Variants in KCNQ1 observed in about 807,000 individuals in gnomAD.
KCNQ1 encodes the protein potassium voltage-gated channel subfamily Q member 1.
In KCNQ1, 49 loss-of-function variants were observed where a neutral mutation model predicts 72.4. The ratio of observed to expected loss-of-function variants is 0.68; its 90% CI spans 0.54 to 0.86. The LOEUF is 0.86. KCNQ1 is among the 40% of genes least tolerant of loss of function. The probability of loss-of-function intolerance (pLI) is 0.00; values close to 1 mark genes in which losing one functional copy is unlikely to be tolerated. For missense variants in KCNQ1, 790 were observed against 945.1 expected (o/e 0.84, Z 2.15); for synonymous variants, 450 against 412.6 (o/e 1.09, Z -1.10).
At chr11:2,754,892 C>A (rs1032595492) in intron 11 of KCNQ1, among the ~76,000 whole-genome samples, 25 of 152,178 alleles carry the variant, frequency 1.6e-4, no homozygotes, top group African/African-American at 5.8e-4. Flanking sequence ...TCCAAAGATA[C>A]CTTAAAGAAC....
chr11:2,664,761 C>T lies in KCNQ1; in HGVS notation c.1514+2680C>T. On this transcript the variant is annotated intron_variant, in intron 11 of 15. Coordinates refer to ENST00000155840, the MANE Select transcript of KCNQ1 (RefSeq NM_000218.3). The surrounding 1 kb of genome is among the most constrained non-coding windows in gnomAD (Gnocchi z 5.1). ...GACAGGGATGTGTGCTGGGGTCTCA[C>T]AGGGGGCAGAGTGGGTGGGAGGCAG... 2.5e-6 allele frequency: 1 copy of T among 398,764 alleles called. No individual in the cohort carries two copies. Among genetic ancestry groups the T allele is most frequent in the Middle Eastern group, 6.3e-4 (1 of 1,592 alleles). The allele number at this position is 398,764 out of a possible 1,614,324, so 24.7% of individuals were successfully genotyped here.
intron 15 of KCNQ1, among the ~76,000 whole-genome samples, chr11:2,792,775 C>T (rs2134011019): frequency 6.6e-6 from 1 of 152,270 alleles, no homozygotes; most frequent in South Asian, 2.1e-4. Flanking sequence ...GGCTTGGGGC[C>T]CCGGAGGGCT....
Position 2,528,122 on chromosome 11 carries a change from C to T in KCNQ1, c.477+104C>T. The T allele has an allele frequency of 4.1e-6, 4 of 984,610 alleles. No homozygotes were observed. The South Asian group carries it at 5.1e-5, about 13-fold the overall frequency. 61.0% of individuals were successfully genotyped at this position (984,610 alleles called of 1,614,324 possible). A position where few individuals can be genotyped will look rare whatever the true frequency, so the allele number is the denominator to read the frequency against. ...GGTGGGGGGCAGAGCCACTCCCAGC[C>T]CCTTGCCCACACATTGGTCCTGCCC... On this transcript the variant is annotated intron_variant, in intron 2 of 15. Transcript: ENST00000155840.
Position 2,848,636 on chromosome 11 carries a change from G to A in KCNQ1, c.*633G>A, listed in dbSNP as rs886048173. ...CAGTCTCACCATTTCCCCAGGGCACGTGGTTGAGTGGGGGGAACGCCCACT... is the reference window on the plus strand; with the variant it reads ...CAGTCTCACCATTTCCCCAGGGCACATGGTTGAGTGGGGGGAACGCCCACT... On this transcript the variant is annotated 3_prime_UTR_variant, in exon 16 of 16. Coordinates refer to ENST00000155840, the MANE Select transcript of KCNQ1 (RefSeq NM_000218.3). The A allele has an allele frequency of 1.5e-5, 7 of 451,986 alleles. No homozygotes were observed. Among genetic ancestry groups the A allele is most frequent in the Non-Finnish European group, 3.1e-5 (7 of 225,100 alleles). The allele number at this position is 451,986 out of a possible 1,614,324, so 28.0% of individuals were successfully genotyped here.
intron 1 of KCNQ1, among the ~76,000 whole-genome samples, chr11:2,455,446 C>A (rs1017496341): frequency 2.6e-5 from 4 of 152,176 alleles, no homozygotes; most frequent in African/African-American, 9.7e-5. Context: ...AGAGCCAAAT[C>A]AAGAATGCAA....
At chr11:2,741,992 G>A (rs1846061271) in intron 11 of KCNQ1, among the ~76,000 whole-genome samples, 1 of 152,238 alleles carries the variant, frequency 6.6e-6, no homozygotes, top group Non-Finnish European at 1.5e-5. Flanking sequence ...GTAACCCCCA[G>A]AACTCTTGGC....
rs190686800 is a variant in KCNQ1 at position 2,453,111 on chromosome 11, C to T, written c.386+7627C>T. 5.7e-4 allele frequency among the ~76,000 whole-genome samples: 87 copies of T among 152,322 alleles called. 2 individuals are homozygous for T. In the East Asian group the frequency reaches 0.015, roughly 26 times the overall value. On this transcript the variant is annotated intron_variant, in intron 1 of 15. Transcript: ENST00000155840. ...AACCTTGGCTGGGTGCGGTGGCTCA[C>T]GCCTGTAATCCCAGCACTTTGGGAG...
rs1846464726 is a variant in KCNQ1 at position 2,764,747 on chromosome 11, T to C, written c.1515-4097T>C. On this transcript the variant is annotated intron_variant, in intron 11 of 15. Transcript: ENST00000155840. This position sits in a 1 kb window ranked among gnomAD's most constrained non-coding sequence, Gnocchi z 4.8. ...TGTCTACTTTTACATACTGTGTTTTTAAATAATTTGTATATTTTATCTAAA... is the reference window on the plus strand; with the variant it reads ...TGTCTACTTTTACATACTGTGTTTTCAAATAATTTGTATATTTTATCTAAA... 6.6e-6 allele frequency among the ~76,000 whole-genome samples: 1 copy of C among 152,244 alleles called. No individual in the cohort carries two copies. Among genetic ancestry groups the C allele is most frequent in the African/African-American group, 2.4e-5 (1 of 41,462 alleles).
intron 10 of KCNQ1, chr11:2,656,819 A>G (rs944418610): frequency 3.3e-5 from 13 of 398,512 alleles, no homozygotes; most frequent in African/African-American, 2.5e-4. Context: ...TTCTATATTC[A>G]GTCATGTGAC....
At chr11:2,512,332 G>A (rs1847223485) in intron 1 of KCNQ1, among the ~76,000 whole-genome samples, 1 of 152,160 alleles carries the variant, frequency 6.6e-6, no homozygotes. Flanking sequence ...TGGGGCCACT[G>A]GGATTGGCAG....
rs575073313 is a variant in KCNQ1 at position 2,712,855 on chromosome 11, G to A, written c.1514+50774G>A. Among the ~76,000 whole-genome samples the A allele has an allele frequency of 1.1e-3, 175 of 152,300 alleles. No homozygotes were observed. The highest frequency in any genetic ancestry group is 2.0e-3 in the Non-Finnish European group (136 of 68,020). On this transcript the variant is annotated intron_variant, in intron 11 of 15. Coordinates refer to ENST00000155840, the MANE Select transcript of KCNQ1 (RefSeq NM_000218.3). The surrounding 1 kb of genome is among the most constrained non-coding windows in gnomAD (Gnocchi z 6.4). Reference sequence around the variant, plus strand: ...CTAGAGAGTTTGGGGGCTGGACACAGGGAGGAGGCAGCATGGGAAATGGAA... The same window carrying A: ...CTAGAGAGTTTGGGGGCTGGACACAAGGAGGAGGCAGCATGGGAAATGGAA...
Position 2,613,485 on chromosome 11 carries a change from A to G in KCNQ1, c.1393+24631A>G, listed in dbSNP as rs1849013339. On this transcript the variant is annotated intron_variant, in intron 10 of 15. Transcript: ENST00000155840. This position sits in a 1 kb window ranked among gnomAD's most constrained non-coding sequence, Gnocchi z 4.8. The stretch of plus-strand genomic sequence containing the variant: ...GAGCCTTCTTTGTTGCTGGTCCTCA[A>G]GCCTACCGTGCCCCTGAGCTTGGGT... The G allele has an allele frequency of 2.5e-6, 1 of 398,586 alleles. No homozygotes were observed. Among genetic ancestry groups the G allele is most frequent in the African/African-American group, 2.1e-5 (1 of 48,736 alleles). The allele number at this position is 398,586 out of a possible 1,614,324, so 24.7% of individuals were successfully genotyped here. A position where few individuals can be genotyped will look rare whatever the true frequency, so the allele number is the denominator to read the frequency against.
chr11:2,489,736 G>A (rs1846803814), intron 1 of KCNQ1, among the ~76,000 whole-genome samples: 1 of 152,194 alleles, frequency 6.6e-6, no homozygotes, highest in East Asian at 1.9e-4. Context: ...CACATTTCAG[G>A]CCCTGGCTCT....
Position 2,600,322 on chromosome 11 carries a change from AAACT to A in KCNQ1, c.1393+11469_1393+11472del, listed in dbSNP as rs1370810280. 6.6e-6 allele frequency among the ~76,000 whole-genome samples: 1 copy of A among 152,224 alleles called. No individual in the cohort carries two copies. Among genetic ancestry groups the A allele is most frequent in the Non-Finnish European group, 1.5e-5 (1 of 68,046 alleles). On this transcript the variant is annotated intron_variant, in intron 10 of 15. Coordinates refer to ENST00000155840, the MANE Select transcript of KCNQ1 (RefSeq NM_000218.3). The surrounding 1 kb of genome is among the most constrained non-coding windows in gnomAD (Gnocchi z 5.6). ...TCAGGATTGTTTCTTAAAACAAAACAAACTGTTTATTTGGCCATAATTTTGAACT... is the reference window on the plus strand; with the variant it reads ...TCAGGATTGTTTCTTAAAACAAAACAGTTTATTTGGCCATAATTTTGAACT...
At chr11:2,841,086 A>C (rs917169865) in intron 15 of KCNQ1, among the ~76,000 whole-genome samples, 1 of 152,212 alleles carries the variant, frequency 6.6e-6, no homozygotes, top group African/African-American at 2.4e-5. Flanking sequence ...ATAAACCGGG[A>C]CATTTCAGGG....
rs1179579672 is a variant in KCNQ1 at position 2,781,218 on chromosome 11, C to G, written c.1794+3181C>G. Among the ~76,000 whole-genome samples, 3 of 152,122 alleles carry G rather than the reference C, an allele frequency of 2.0e-5. No homozygotes were observed. Among genetic ancestry groups the G allele is most frequent in the Non-Finnish European group, 2.9e-5 (2 of 68,024 alleles). On this transcript the variant is annotated intron_variant, in intron 15 of 15. Transcript: ENST00000155840. The surrounding 1 kb of genome is among the most constrained non-coding windows in gnomAD (Gnocchi z 6.6). ...GAGGACTCTTATTTGCTCAAATGCC[C>G]ACATAAATCCTCTTTTACAGATGGG... is the stretch of plus-strand genomic sequence containing the variant.
chr11:2,594,326 C>T lies in KCNQ1; in HGVS notation c.1393+5472C>T, dbSNP rs550555391. The stretch of plus-strand genomic sequence containing the variant: ...TTCCTTTGTAAGTGACCCTCCCTAC[C>T]TCTAGTGACTTCAGAAACCTTCCTT... On this transcript the variant is annotated intron_variant, in intron 10 of 15. Coordinates refer to ENST00000155840, the MANE Select transcript of KCNQ1 (RefSeq NM_000218.3). 9.3e-4 allele frequency among the ~76,000 whole-genome samples: 141 copies of T among 152,338 alleles called. 1 individual carries two copies. The South Asian group carries it at 0.011, about 12-fold the overall frequency.
chr11:2,467,333 A>G (rs112252295), intron 1 of KCNQ1, among the ~76,000 whole-genome samples: 4,786 of 152,196 alleles, frequency 0.031, 170 homozygotes, highest in African/African-American at 0.088. Context: ...GACTGGCTTC[A>G]ACGGTGTCGG....
chr11:2,775,677 T>G (rs1231296988), intron 12 of KCNQ1, among the ~76,000 whole-genome samples: 1 of 150,118 alleles, frequency 6.7e-6, no homozygotes, highest in Non-Finnish European at 1.5e-5. Flanking sequence ...TGGTGGGGGG[T>G]GGAAGGGAGG....
Sources: gnomAD v4.1 joint callset for allele counts (sites outside exome capture counted in the v4.1 genomes callset) on GRCh38, gnomAD v4.1.1 for gene constraint, Gnocchi (gnomAD v3.1) non-coding constraint, MANE v1.5 for transcripts, NCBI Gene and HGNC (gene_info 2026-07-23, HGNC 2026-07-21) for gene names.